Variants in RECQL observed in about 807,000 individuals in gnomAD.
RECQL encodes ATP-dependent DNA helicase Q1.
A neutral mutation model predicts 75.8 loss-of-function variants in RECQL; 73 were observed. That is an observed-to-expected ratio of 0.96 (90% CI 0.80 to 1.17). The LOEUF is 1.17. Ranked by LOEUF, RECQL falls within the 50% of genes most tolerant of loss-of-function variation. The probability of loss-of-function intolerance (pLI) is 0.00; values close to 1 mark genes in which losing one functional copy is unlikely to be tolerated. For missense variants in RECQL, 699 were observed against 772.1 expected, an observed-to-expected ratio of 0.91 and a Z score of 1.12; for synonymous variants, 248 against 254.4, an observed-to-expected ratio of 0.97 and a Z score of 0.24.
chr12:21,489,848 C>T (rs749291809), intron 4 of RECQL, among the ~76,000 whole-genome samples: 1 of 152,120 alleles, frequency 6.6e-6, no homozygotes, highest in Non-Finnish European at 1.5e-5. Flanking sequence ...GGATTAATCT[C>T]AGAAGTTTTT....
At chr12:21,500,859 G>A (rs754916262) in intron 1 of RECQL, among the ~76,000 whole-genome samples, 1 of 152,040 alleles carries the variant, frequency 6.6e-6, no homozygotes, top group Admixed American at 6.6e-5. Flanking sequence ...TTGATTATGC[G>A]GTTAAAAGAC....
At chr12:21,493,229 TA>T (rs1943445270) in intron 2 of RECQL, among the ~76,000 whole-genome samples, 1 of 152,154 alleles carries the variant, frequency 6.6e-6, no homozygotes, top group Non-Finnish European at 1.5e-5. Context: ...TTTCCACTGA[TA>T]AAGGGAACAT....
At chr12:21,478,398 T>C (rs535916873) in intron 6 of RECQL, among the ~76,000 whole-genome samples, 2 of 152,158 alleles carry the variant, frequency 1.3e-5, no homozygotes, top group East Asian at 3.9e-4. Context: ...CTTAAACTAT[T>C]TGGAGGAAAC....
At chr12:21,492,218 G>T (rs1281047996) in intron 2 of RECQL, among the ~76,000 whole-genome samples, 2 of 152,152 alleles carry the variant, frequency 1.3e-5, no homozygotes, top group East Asian at 1.9e-4. Context: ...GGTGGTAAAA[G>T]GAGTTGGTAA....
intron 11 of RECQL, 146 bp downstream of exon 11, chr12:21,474,695 G>A: frequency 1.5e-6 from 1 of 679,266 alleles, no homozygotes; most frequent in Non-Finnish European, 2.5e-6. Context: ...ACAGGTTGAT[G>A]TGCTGGTTCC....
chr12:21,498,606 C>G (rs1158451498), intron 2 of RECQL, among the ~76,000 whole-genome samples: 1 of 152,114 alleles, frequency 6.6e-6, no homozygotes, highest in African/African-American at 2.4e-5. Context: ...GTGATCCTGA[C>G]TATTAAGGGG....
chr12:21,479,350 AT>A (rs11366827), intron 6 of RECQL, among the ~76,000 whole-genome samples: 59,673 of 116,152 alleles, frequency 0.51, 15,474 homozygotes, highest in South Asian at 0.72. Flanking sequence ...TCATCATGTA[AT>A]TTTTTTTTTT....
At position 21,475,570 on chromosome 12, in the gene RECQL, C is replaced by T. The variant is rs2230003; in HGVS notation, c.1114G>A (p.Val372Ile). Reference protein sequence around the residue: ...ANEIQVVVATVAFGMGIDKPD... With the variant: ...ANEIQVVVATIAFGMGIDKPD... ...TTATCAATTCCCATACCAAATGCAACAGTTGCCACTACTACCTGAAATATT... is the reference window on the plus strand; with the variant it reads ...TTATCAATTCCCATACCAAATGCAATAGTTGCCACTACTACCTGAAATATT... Residue 372 changes from valine (V) to isoleucine (I), a missense_variant, in exon 10 of 15, where the codon GTT (valine) becomes ATT (isoleucine). By Grantham distance (29) the Val-to-Ile change is conservative. Transcript: ENST00000444129. 8.1e-5 allele frequency: 131 copies of T among 1,612,110 alleles called. No homozygotes were observed. In the East Asian group the frequency reaches 1.6e-3, roughly 20 times the overall value.
intron 3 of RECQL, among the ~76,000 whole-genome samples, 166 bp downstream of exon 3, chr12:21,491,353 A>T (rs1365402242): frequency 6.6e-6 from 1 of 152,178 alleles, no homozygotes; most frequent in Admixed American, 6.5e-5. Flanking sequence ...AAGACTACAG[A>T]ACACAGGGAA....
intron 12 of RECQL, 38 bp downstream of exon 12, chr12:21,473,513 G>A: frequency 6.8e-7 from 1 of 1,461,940 alleles, no homozygotes; most frequent in African/African-American, 1.4e-5. Context: ...CATTATGACT[G>A]TATTAGCCTA....
chr12:21,484,704 C>T (rs1252706644), intron 5 of RECQL, among the ~76,000 whole-genome samples: 1 of 151,972 alleles, frequency 6.6e-6, no homozygotes, highest in Non-Finnish European at 1.5e-5. Context: ...CTTAAAGAGG[C>T]TCTCACTGCC....
At chr12:21,478,520 G>T (rs1366745467) in intron 6 of RECQL, among the ~76,000 whole-genome samples, 1 of 152,202 alleles carries the variant, frequency 6.6e-6, no homozygotes, top group Non-Finnish European at 1.5e-5. Flanking sequence ...TAATACTTGA[G>T]TTGTGTCTTA....
At position 21,474,974 on chromosome 12, in the gene RECQL, C is replaced by T; in HGVS notation, c.1222G>A (p.Asp408Asn). Residue 408 changes from aspartate (D) to asparagine (N), a missense_variant, in exon 11 of 15, where the codon GAT becomes AAT. This residue lies in a region of RECQL where 669 missense variants were observed against 713.5 expected (regional missense o/e 0.94). Coordinates refer to ENST00000444129, the MANE Select transcript of RECQL (RefSeq NM_002907.4). ...YYQESGRAGR[D>N]DMKADCILYY... is the part of the protein sequence containing the mutation. ...AAAATACAGTCTGCTTTCATGTCAT[C>T]TCGACCTGTGGTGTGAGAAACCTTG... is the stretch of plus-strand genomic sequence containing the variant. The T allele has an allele frequency of 6.2e-7, 1 of 1,612,120 alleles. No individual in the cohort carries two copies. The highest frequency in any genetic ancestry group is 8.5e-7 in the Non-Finnish European group (1 of 1,178,674).
chr12:21,483,528 T>A lies in RECQL; in HGVS notation c.548A>T (p.Glu183Val). 2 of 1,580,704 alleles carry A rather than the reference T, an allele frequency of 1.3e-6. No individual in the cohort carries two copies. Among genetic ancestry groups the A allele is most frequent in the Non-Finnish European group, 1.7e-6 (2 of 1,171,024 alleles). The change falls in exon 6 of 15, where the codon GAG (glutamate) becomes GTG (valine). Residue 183 changes from glutamate to valine, a missense_variant. Coordinates refer to ENST00000444129, the MANE Select transcript of RECQL (RefSeq NM_002907.4). ...TGGAGTCACATAAATCAGCTTTAAC[T>A]CGGAGTTTTTATTTACCATTTCAGC... ...VHAEMVNKNS[E>V]LKLIYVTPEK... is the part of the protein sequence containing the mutation.
intron 6 of RECQL, among the ~76,000 whole-genome samples, chr12:21,478,331 G>C (rs993996524): frequency 6.6e-6 from 1 of 152,064 alleles, no homozygotes; most frequent in Non-Finnish European, 1.5e-5. Context: ...CTATTTCTCG[G>C]AAACCATTCT....
chr12:21,499,290 T>C (rs112742818), intron 2 of RECQL, among the ~76,000 whole-genome samples: 47 of 152,258 alleles, frequency 3.1e-4, no homozygotes, highest in African/African-American at 1.1e-3. Flanking sequence ...GATTAATGAG[T>C]ATAGAATTTT....
Position 21,478,464 on chromosome 12 carries a change from CAA to C in RECQL, c.701-497_701-496del, listed in dbSNP as rs146592759. 3.8e-4 allele frequency among the ~76,000 whole-genome samples: 58 copies of C among 152,172 alleles called. No homozygotes were observed. The East Asian group carries it at 0.011, about 28-fold the overall frequency. On this transcript the variant is annotated intron_variant, in intron 6 of 14. Coordinates refer to ENST00000444129, the MANE Select transcript of RECQL (RefSeq NM_002907.4). Reference sequence around the variant, plus strand: ...GCTAAGTAGAGGACTACTATGAAAACAAAGAGGACAGAGCAGCTGCTTGGGAA... The same window carrying C: ...GCTAAGTAGAGGACTACTATGAAAACAGAGGACAGAGCAGCTGCTTGGGAA...
intron 4 of RECQL, among the ~76,000 whole-genome samples, chr12:21,487,260 G>A (rs1943323381): frequency 6.6e-6 from 1 of 151,968 alleles, no homozygotes; most frequent in South Asian, 2.1e-4. Flanking sequence ...TTTCATCAGG[G>A]AAAAATCACT....
At chr12:21,499,408 G>C in intron 2 of RECQL, 147 bp downstream of exon 2, 1 of 690,112 alleles carries the variant, frequency 1.4e-6, no homozygotes, top group African/African-American at 1.8e-5. Flanking sequence ...GGTTAGCATG[G>C]CAAAGTTTGT....
Sources: allele counts gnomAD v4.1 joint callset (sites outside exome capture counted in the v4.1 genomes callset), GRCh38; gene constraint gnomAD v4.1.1; regional missense constraint gnomAD v4.1.1; transcripts MANE v1.5; gene names NCBI Gene and HGNC (gene_info 2026-07-23, HGNC 2026-07-21).